GALNT6: variants seen among roughly 807,000 people sequenced by gnomAD.
The protein encoded by GALNT6 is GalNAc transferase 6.
In GALNT6, 51 loss-of-function variants were observed where a neutral mutation model predicts 65.9. The observed-to-expected ratio is 0.77, with a 90% CI of 0.62 to 0.98. The LOEUF (loss-of-function observed/expected upper bound fraction) is 0.98, where lower values mean the gene tolerates loss of function less well. Ranked by LOEUF, GALNT6 falls within the 50% of genes least tolerant of loss-of-function variation. The pLI, the probability that GALNT6 is intolerant of heterozygous loss-of-function variation, is 0.00. For missense variants in GALNT6, 708 were observed against 803.3 expected (o/e 0.88, Z 1.43); for synonymous variants, 323 against 315.1 (o/e 1.02, Z -0.26).
chr12:51,364,470 C>G (rs1947030442), intron 5 of GALNT6, 115 bp from the exon 6 acceptor site: 1 of 701,802 alleles, frequency 1.4e-6, no homozygotes, highest in South Asian at 1.8e-5. Context: ...TCCTGGGTTA[C>G]AGGCAGCAAG....
intron 2 of GALNT6, among the ~76,000 whole-genome samples, chr12:51,386,473 C>CA (rs1947845893): frequency 1.3e-5 from 2 of 152,232 alleles, no homozygotes; most frequent in South Asian, 4.1e-4. Context: ...TTGTGAATGT[C>CA]AGAGTCAGCC....
chr12:51,383,158 A>C (rs1193031993), intron 2 of GALNT6, among the ~76,000 whole-genome samples: 1 of 152,062 alleles, frequency 6.6e-6, no homozygotes. Flanking sequence ...TTCGGGGAGG[A>C]AATGGGGATT....
chr12:51,369,201 C>T (rs1947208975), intron 4 of GALNT6, among the ~76,000 whole-genome samples: 1 of 152,164 alleles, frequency 6.6e-6, no homozygotes, highest in African/African-American at 2.4e-5. Flanking sequence ...CTGTGAACCT[C>T]AGGGGGGGCC....
chr12:51,388,676 T>C (rs546409419), intron 2 of GALNT6, among the ~76,000 whole-genome samples: 2 of 152,292 alleles, frequency 1.3e-5, no homozygotes, highest in East Asian at 1.9e-4. Context: ...GCCTAGACGG[T>C]AGACCACCTA....
In GALNT6 at chr12:51,365,412, C is replaced by T. The variant is rs202169943; in HGVS notation, c.814+18G>A. 3.6e-5 allele frequency: 57 copies of T among 1,601,060 alleles called. No individual in the cohort carries two copies. The highest frequency in any genetic ancestry group is 2.0e-4 in the South Asian group (18 of 89,810). ...GGGAGCCTCCAGGTTACACCCAGGC[C>T]GGTGCCCTGGTACTCACAGTGGGCA... On this transcript the variant is annotated intron_variant, in intron 5 of 11. Transcript: ENST00000356317.
At chr12:51,371,291 C>G (rs1947288093) in intron 4 of GALNT6, among the ~76,000 whole-genome samples, 1 of 152,004 alleles carries the variant, frequency 6.6e-6, no homozygotes, top group East Asian at 1.9e-4. Context: ...TCCATGTTGG[C>G]CAGGCTGGTC....
chr12:51,362,654 C>T (rs1044947292), intron 6 of GALNT6, among the ~76,000 whole-genome samples: 2 of 152,154 alleles, frequency 1.3e-5, no homozygotes, highest in African/African-American at 4.8e-5. Flanking sequence ...GGGTGGGGAT[C>T]TGTTGCAGTG....
In GALNT6 at chr12:51,358,255, A is replaced by AGGATTT; in HGVS notation, c.1369_1374dup (p.Lys457_Ser458dup). The AGGATTT allele has an allele frequency of 1.9e-6, 3 of 1,613,466 alleles. No homozygotes were observed. Among genetic ancestry groups the AGGATTT allele is most frequent in the Non-Finnish European group, 2.5e-6 (3 of 1,179,846 alleles). ...TGCAGTCGTTCCGAAATGTCACCGA[A>AGGATTT]GGATTTCTGTCAATCAAGCCAGCCC... is the stretch of plus-strand genomic sequence containing the variant. On this transcript the variant is annotated inframe_insertion, in exon 9 of 12. Transcript: ENST00000356317.
At chr12:51,380,081 T>C (rs1947613555) in intron 2 of GALNT6, among the ~76,000 whole-genome samples, 197 bp from the exon 3 acceptor site, 1 of 152,204 alleles carries the variant, frequency 6.6e-6, no homozygotes, top group Non-Finnish European at 1.5e-5. Flanking sequence ...CCTAAGATCC[T>C]AATATGCATG....
chr12:51,352,215 T>G lies in GALNT6; in HGVS notation c.*2164A>C, dbSNP rs1166443735. 6.6e-6 allele frequency: 1 copy of G among 152,310 alleles called. No individual in the cohort carries two copies. The highest frequency in any genetic ancestry group is 1.5e-5 in the Non-Finnish European group (1 of 68,092). The allele number at this position is 152,310 out of a possible 1,614,324, so 9.4% of individuals were successfully genotyped here. A position where few individuals can be genotyped will look rare whatever the true frequency, so the allele number is the denominator to read the frequency against. On this transcript the variant is annotated 3_prime_UTR_variant, in exon 12 of 12. Transcript: ENST00000356317. Reference sequence around the variant, plus strand: ...CAAAAGAGCCATGTGCAGTCGGGTCTGCTCCCCATGGGGGCTTTGATGTGG... The same window carrying G: ...CAAAAGAGCCATGTGCAGTCGGGTCGGCTCCCCATGGGGGCTTTGATGTGG...
intron 6 of GALNT6, among the ~76,000 whole-genome samples, chr12:51,361,346 T>C (rs1391189523): frequency 1.3e-5 from 2 of 152,218 alleles, no homozygotes; most frequent in East Asian, 1.9e-4. Context: ...CTGACTCCAT[T>C]CTGTTTCAGG....
chr12:51,379,202 C>A, intron 3 of GALNT6, 89 bp downstream of exon 3: 1 of 1,340,882 alleles, frequency 7.5e-7, no homozygotes, highest in Non-Finnish European at 1.0e-6. Context: ...TCAACTCTTT[C>A]TCTGGCCCTT....
At position 51,364,324 on chromosome 12, in the gene GALNT6, G is replaced by A; in HGVS notation, c.846C>T (p.Leu282=). 6.2e-7 allele frequency: 1 copy of A among 1,614,212 alleles called. No individual in the cohort carries two copies. Among genetic ancestry groups the A allele is most frequent in the South Asian group, 1.1e-5 (1 of 91,084 alleles). The change falls in exon 6 of 12, where the codon CTC becomes CTT. Residue 282 remains leucine (L), a synonymous_variant. Transcript: ENST00000356317. ...TCTTGTCCTCAGCGATTCGAGCCAGGAGGGGCTCCAGCCAGCCGTGGAAGC... is the reference window on the plus strand; with the variant it reads ...TCTTGTCCTCAGCGATTCGAGCCAGAAGGGGCTCCAGCCAGCCGTGGAAGC... ...CECFHGWLEP[L]LARIAEDKTV... is the part of the protein sequence containing the mutation.
chr12:51,359,549 A>G, intron 7 of GALNT6: 1 of 454,216 alleles, frequency 2.2e-6, no homozygotes, highest in East Asian at 3.3e-5. Context: ...CTCTGACTTA[A>G]GCACAGGGAG....
chr12:51,360,934 C>A (rs2137571515), intron 6 of GALNT6, 96 bp from the exon 7 acceptor site: 1 of 699,062 alleles, frequency 1.4e-6, no homozygotes, highest in Admixed American at 2.2e-5. Context: ...CCTAACCCAC[C>A]TCCCCCTCCT....
At chr12:51,378,654 G>T (rs1947541593) in intron 3 of GALNT6, among the ~76,000 whole-genome samples, 1 of 152,186 alleles carries the variant, frequency 6.6e-6, no homozygotes, top group Non-Finnish European at 1.5e-5. Context: ...AGGCTAAGTG[G>T]GGAAGACACA....
chr12:51,359,105 AC>A (rs1407126216), intron 8 of GALNT6, 26 bp downstream of exon 8: 2 of 1,582,014 alleles, frequency 1.3e-6, no homozygotes, highest in Non-Finnish European at 1.7e-6. Context: ...CTTCATCTAA[AC>A]CTCTCCGAGA....
intron 2 of GALNT6, among the ~76,000 whole-genome samples, chr12:51,380,393 G>C (rs925746718): frequency 2.6e-5 from 4 of 152,172 alleles, no homozygotes; most frequent in African/African-American, 9.7e-5. Context: ...ATACCGTGCA[G>C]TGCTCTACAG....
intron 6 of GALNT6, among the ~76,000 whole-genome samples, chr12:51,362,467 A>T (rs576811359): frequency 6.1e-4 from 93 of 152,280 alleles, no homozygotes; most frequent in African/African-American, 2.0e-3. Flanking sequence ...TCGGCAAGCC[A>T]TGCATGCTAC....
Sources: allele counts gnomAD v4.1 joint callset (sites outside exome capture counted in the v4.1 genomes callset), GRCh38; gene constraint gnomAD v4.1.1; transcripts MANE v1.5; gene names NCBI Gene and HGNC (gene_info 2026-07-23, HGNC 2026-07-21).